The following C16orf89 variants were observed in gnomAD, a reference collection of about 807,000 sequenced individuals.
C16orf89 encodes the protein UPF0764 protein C16orf89.
In C16orf89, 57 loss-of-function variants were observed where a neutral mutation model predicts 41.5. The observed-to-expected ratio is 1.38, with a 90% CI of 1.11 to 1.71. The LOEUF (loss-of-function observed/expected upper bound fraction) is 1.71. C16orf89 is among the 40% of genes most tolerant of loss of function. The pLI, the probability that C16orf89 is intolerant of heterozygous loss-of-function variation, is 0.00. For synonymous variants in C16orf89, 223 were observed against 190.6 expected (o/e 1.17, Z -1.40); for missense variants, 575 against 445.9 (o/e 1.29, Z -2.61).
chr16:5,052,318 G>C (rs1430530091), intron 6 of C16orf89, among the ~76,000 whole-genome samples: 1 of 151,634 alleles, frequency 6.6e-6, no homozygotes, highest in East Asian at 1.9e-4. Flanking sequence ...GCCAAGCGCA[G>C]TGGCTCACGC....
At chr16:5,057,370 GATAT>G (rs201684843) in intron 4 of C16orf89, among the ~76,000 whole-genome samples, 1 of 145,206 alleles carries the variant, frequency 6.9e-6, no homozygotes, top group Non-Finnish European at 1.5e-5. Context: ...TATATATCGT[GATAT>G]ATATATAGTG....
intron 7 of C16orf89, among the ~76,000 whole-genome samples, chr16:5,046,673 A>T (rs1363316652): frequency 6.6e-6 from 1 of 152,070 alleles, no homozygotes; most frequent in Non-Finnish European, 1.5e-5. Context: ...ATTAATGAAA[A>T]ATTGAAATCA....
At chr16:5,055,210 G>A in intron 6 of C16orf89, 36 bp downstream of exon 6, 1 of 1,512,630 alleles carries the variant, frequency 6.6e-7, no homozygotes, top group East Asian at 2.4e-5. Context: ...CACCCCCACT[G>A]CCCCCCTTCT....
At position 5,055,227 on chromosome 16, in the gene C16orf89, G is replaced by A. The variant is rs779384380; in HGVS notation, c.868+19C>T. Reference sequence around the variant, plus strand: ...CCCCCACTGCCCCCCTTCTTAGCCAGGGCAGCAGCGCAGCTCACCAGGCTC... The same window carrying A: ...CCCCCACTGCCCCCCTTCTTAGCCAAGGCAGCAGCGCAGCTCACCAGGCTC... On this transcript the variant is annotated intron_variant, in intron 6 of 7. Transcript: ENST00000472572. 6.4e-7 allele frequency: 1 copy of A among 1,573,978 alleles called. No individual in the cohort carries two copies.
chr16:5,058,294 A>AT (rs978866998), intron 4 of C16orf89, among the ~76,000 whole-genome samples, 199 bp downstream of exon 4: 32 of 148,902 alleles, frequency 2.1e-4, no homozygotes, highest in South Asian at 1.5e-3. Flanking sequence ...CGTCCAGCTA[A>AT]TTTTTTTTTT....
chr16:5,046,483 C>T (rs955078618), intron 7 of C16orf89, among the ~76,000 whole-genome samples: 2 of 151,802 alleles, frequency 1.3e-5, no homozygotes, highest in Admixed American at 1.3e-4. Flanking sequence ...TTCCAGGTAG[C>T]GGGATTACAG....
At chr16:5,048,601 A>G (rs559249960) in intron 6 of C16orf89, among the ~76,000 whole-genome samples, 77 of 152,310 alleles carry the variant, frequency 5.1e-4, no homozygotes, top group African/African-American at 1.8e-3. Flanking sequence ...TTTCATTACC[A>G]CTAGACTGGC....
Position 5,055,779 on chromosome 16 carries a change from A to T in C16orf89, c.763+274T>A, listed in dbSNP as rs189796530. On this transcript the variant is annotated intron_variant, in intron 5 of 7. Coordinates refer to ENST00000472572, the MANE Select transcript of C16orf89 (RefSeq NM_001098514.3). Reference sequence around the variant, plus strand: ...CAGGTAAAATACAGGATGCCCAGTTACATTTGAGTTTTCGATAAACAATGA... The same window carrying T: ...CAGGTAAAATACAGGATGCCCAGTTTCATTTGAGTTTTCGATAAACAATGA... 848 of 1,495,950 alleles carry T rather than the reference A, an allele frequency of 5.7e-4. 5 individuals are homozygous for T. The African/African-American group carries it at 0.01, about 18-fold the overall frequency. The allele number at this position is 1,495,950 out of a possible 1,614,324, so 92.7% of individuals were successfully genotyped here.
At chr16:5,057,434 G>A (rs907959999) in intron 4 of C16orf89, among the ~76,000 whole-genome samples, 1 of 146,668 alleles carries the variant, frequency 6.8e-6, no homozygotes, top group Non-Finnish European at 1.5e-5. Context: ...TAGTGTGTAT[G>A]GTAGTATATA....
chr16:5,044,790 G>A (rs1956265190), intron 7 of C16orf89: 1 of 1,189,072 alleles, frequency 8.4e-7, no homozygotes, highest in Non-Finnish European at 1.1e-6. Context: ...GTTGCAGTGA[G>A]CCGAGATTGC....
chr16:5,044,781 T>G lies in C16orf89; in HGVS notation c.956-303A>C, dbSNP rs555287246. 3 of 1,157,186 alleles carry G rather than the reference T, an allele frequency of 2.6e-6. No homozygotes were observed. The East Asian group carries it at 1.6e-4, about 63-fold the overall frequency. The allele number at this position is 1,157,186 out of a possible 1,614,324, so 71.7% of individuals were successfully genotyped here. On this transcript the variant is annotated intron_variant, in intron 7 of 7. Coordinates refer to ENST00000472572, the MANE Select transcript of C16orf89 (RefSeq NM_001098514.3). ...ATTGCTTGAACCCAGGAGGCAAAGG[T>G]TGCAGTGAGCCGAGATTGCGCCACT...
chr16:5,045,711 G>A (rs575306167), intron 7 of C16orf89, among the ~76,000 whole-genome samples: 22 of 152,310 alleles, frequency 1.4e-4, no homozygotes, highest in Admixed American at 2.0e-4. Flanking sequence ...AGGAAAATGA[G>A]GCTCAGTGAG....
At position 5,056,261 on chromosome 16, in the gene C16orf89, G is replaced by T. The variant is rs115638945; in HGVS notation, c.628-73C>A. 1,141 of 1,437,010 alleles carry T rather than the reference G, an allele frequency of 7.9e-4. 4 individuals are homozygous for T. The African/African-American group carries it at 0.015, about 18-fold the overall frequency. The allele number at this position is 1,437,010 out of a possible 1,614,324, so 89.0% of individuals were successfully genotyped here. A position where few individuals can be genotyped will look rare whatever the true frequency, so the allele number is the denominator to read the frequency against. On this transcript the variant is annotated intron_variant, in intron 4 of 7. Transcript: ENST00000472572. ...CAGACACACGCCCTGCTATGGGAAAGTCTTGCAGTTCTGAGACGGTCTTGC... is the reference window on the plus strand; with the variant it reads ...CAGACACACGCCCTGCTATGGGAAATTCTTGCAGTTCTGAGACGGTCTTGC...
chr16:5,057,290 GTGTA>G (rs1567156389), intron 4 of C16orf89, among the ~76,000 whole-genome samples: 12 of 127,806 alleles, frequency 9.4e-5, no homozygotes, highest in African/African-American at 3.5e-4. Context: ...ATATATATAT[GTGTA>G]TATATATATA....
rs1471850791 is a variant in C16orf89 at position 5,062,649 on chromosome 16, A to G, written c.209-75T>C. ...TTTTTGCCTTGGAACAAGAAAAAAA[A>G]ATGCCCCAAAGTCTAATGCTTCCTG... On this transcript the variant is annotated intron_variant, in intron 1 of 7. Coordinates refer to ENST00000472572, the MANE Select transcript of C16orf89 (RefSeq NM_001098514.3). The G allele has an allele frequency of 3.5e-6, 5 of 1,442,910 alleles. No individual in the cohort carries two copies. The African/African-American group carries it at 7.2e-5, about 21-fold the overall frequency. 89.4% of individuals were successfully genotyped at this position (1,442,910 alleles called of 1,614,324 possible). A position where few individuals can be genotyped will look rare whatever the true frequency, so the allele number is the denominator to read the frequency against.
chr16:5,060,265 T>C (rs1400768150), intron 3 of C16orf89, 21 bp downstream of exon 3: 4 of 1,584,628 alleles, frequency 2.5e-6, no homozygotes, highest in African/African-American at 1.3e-5. Flanking sequence ...TTCCAGCAAA[T>C]AGGGCAAGTG....
intron 2 of C16orf89, among the ~76,000 whole-genome samples, chr16:5,061,701 C>CA (rs1956630589): frequency 6.6e-6 from 1 of 152,088 alleles, no homozygotes; most frequent in Non-Finnish European, 1.5e-5. Context: ...TTGGAAAGGT[C>CA]AGCATGGGCT....
Position 5,047,906 on chromosome 16 carries a change from T to C in C16orf89, c.927A>G (p.Arg309=). 1 of 1,602,256 alleles carries C rather than the reference T, an allele frequency of 6.2e-7. No individual in the cohort carries two copies. ...AIQYQQHFSR[R]VKRREKQFPD... Reference sequence around the variant, plus strand: ...GAAATTGTTTTTCTCGCCTCTTCACTCTCCTCGAAAAATGCTGCTGATATT... The same window carrying C: ...GAAATTGTTTTTCTCGCCTCTTCACCCTCCTCGAAAAATGCTGCTGATATT... Residue 309 remains arginine (R), a synonymous_variant, in exon 7 of 8, where the codon AGA becomes AGG. Transcript: ENST00000472572.
chr16:5,060,138 C>T (rs1043765619), intron 3 of C16orf89, 148 bp downstream of exon 3: 1 of 951,388 alleles, frequency 1.1e-6, no homozygotes, highest in Non-Finnish European at 1.5e-6. Context: ...TAGGAGAGGG[C>T]AGTACCCGGC....
Sources: allele counts gnomAD v4.1 joint callset (sites outside exome capture counted in the v4.1 genomes callset), GRCh38; gene constraint gnomAD v4.1.1; transcripts MANE v1.5; gene names NCBI Gene and HGNC (gene_info 2026-07-23, HGNC 2026-07-21).